JMJD1C: variants seen among roughly 807,000 people sequenced by gnomAD.
JMJD1C encodes the protein jumonji domain containing 1C, also known as jumonji domain-containing protein 1C.
A neutral mutation model predicts 245.3 loss-of-function variants in JMJD1C; 31 were observed. That is an observed-to-expected ratio of 0.13 (90% confidence interval 0.09 to 0.17). JMJD1C has a LOEUF of 0.17. JMJD1C is among the 10% of genes least tolerant of loss of function. The pLI, the probability that JMJD1C is intolerant of heterozygous loss-of-function variation, is 1.00. For missense variants in JMJD1C, 2,691 were observed against 3,000.2 expected (o/e 0.90, Z 2.41); for synonymous variants, 1,057 against 1,017.4 (o/e 1.04, Z -0.74).
chr10:63,402,006 T>C (rs746496976), intron 1 of JMJD1C, among the ~76,000 whole-genome samples: 2 of 151,818 alleles, frequency 1.3e-5, no homozygotes, highest in Non-Finnish European at 2.9e-5. Context: ...TGGTGGTGCA[T>C]GCCTGTAATG....
At chr10:63,472,282 A>G (rs982806254) in intron 1 of JMJD1C, among the ~76,000 whole-genome samples, 11 of 152,032 alleles carry the variant, frequency 7.2e-5, no homozygotes, top group Admixed American at 7.2e-4. Flanking sequence ...ATTTGCTTTT[A>G]TATCTAAATT....
intron 3 of JMJD1C, among the ~76,000 whole-genome samples, chr10:63,243,126 A>AT (rs1564669004): frequency 7.7e-4 from 33 of 43,036 alleles, no homozygotes; most frequent in African/African-American, 1.0e-3. Flanking sequence ...TATATATATA[A>AT]ATATATATAT....
At chr10:63,376,998 T>C (rs1438260721) in intron 2 of JMJD1C, among the ~76,000 whole-genome samples, 1 of 152,218 alleles carries the variant, frequency 6.6e-6, no homozygotes, top group Non-Finnish European at 1.5e-5. Context: ...TTATTCCCTA[T>C]AGCCAAAAGC....
intron 1 of JMJD1C, chr10:63,382,943 C>CA: frequency 2.2e-6 from 1 of 447,534 alleles, no homozygotes; most frequent in East Asian, 7.0e-5. Flanking sequence ...TTATAGCTTA[C>CA]ACTGTATTAG....
chr10:63,505,387 C>CATAAAAAGAAGGGAGG (rs1389150714), intron 1 of JMJD1C, among the ~76,000 whole-genome samples: 3 of 149,548 alleles, frequency 2.0e-5, no homozygotes, highest in African/African-American at 7.4e-5. Flanking sequence ...TAGAACCAGA[C>CATAAAAAGAAGGGAGG]ATAAAAAGAA....
intron 21 of JMJD1C, among the ~76,000 whole-genome samples, 189 bp from the exon 22 acceptor site, chr10:63,183,758 T>C (rs1589078757): frequency 6.6e-6 from 1 of 152,200 alleles, no homozygotes; most frequent in Non-Finnish European, 1.5e-5. Flanking sequence ...ATTACATTTC[T>C]ATAATAAAAT....
At position 63,264,770 on chromosome 10, in the gene JMJD1C, A is replaced by G; in HGVS notation, c.334-6T>C. The G allele has an allele frequency of 7.3e-7, 1 of 1,365,994 alleles. No homozygotes were observed. The highest frequency in any genetic ancestry group is 1.3e-5 in the South Asian group (1 of 79,986). 84.6% of individuals were successfully genotyped at this position (1,365,994 alleles called of 1,614,324 possible). ...TCAACCAGAGGTTTGAAAGTCTGCCAAGAAAAAAAAAATTTCTAATGATAA... is the reference window on the plus strand; with the variant it reads ...TCAACCAGAGGTTTGAAAGTCTGCCGAGAAAAAAAAAATTTCTAATGATAA... On this transcript the variant is annotated splice_region_variant and splice_polypyrimidine_tract_variant and intron_variant, in intron 2 of 25. Transcript: ENST00000399262.
At chr10:63,372,083 T>G (rs1044222711) in intron 2 of JMJD1C, among the ~76,000 whole-genome samples, 1 of 152,234 alleles carries the variant, frequency 6.6e-6, no homozygotes, top group Non-Finnish European at 1.5e-5. Flanking sequence ...ATAAAGGTAA[T>G]CTTGTCCCAA....
At position 63,317,772 on chromosome 10, in the gene JMJD1C, C is replaced by T. The variant is rs575545882; in HGVS notation, c.334-53008G>A. On this transcript the variant is annotated intron_variant, in intron 2 of 25. Transcript: ENST00000399262. The stretch of plus-strand genomic sequence containing the variant: ...TGAAATTCTATTCAGTGTGCCCCGT[C>T]GCCCCCCATCCCATCTATTCTATCT... 5.3e-5 allele frequency among the ~76,000 whole-genome samples: 8 copies of T among 152,240 alleles called. No individual in the cohort carries two copies. In the South Asian group the frequency reaches 1.7e-3, roughly 32 times the overall value.
chr10:63,492,871 C>G (rs970224370), intron 1 of JMJD1C, among the ~76,000 whole-genome samples: 3 of 152,156 alleles, frequency 2.0e-5, no homozygotes, highest in African/African-American at 4.8e-5. Flanking sequence ...AAATAACCCA[C>G]TACAGTTTTG....
rs766730852 is a variant in JMJD1C, at chr10:63,273,345, CCAT to C, written c.334-8584_334-8582del. ...CAGCTGGGACTACAAGTAAGTGCCA[CCAT>C]ATCTGGCTAATATAAATATATTAAT... On this transcript the variant is annotated intron_variant, in intron 2 of 25. Coordinates refer to ENST00000399262, the MANE Select transcript of JMJD1C (RefSeq NM_032776.3). Among the ~76,000 whole-genome samples the C allele has an allele frequency of 4.6e-5, 7 of 152,146 alleles. No homozygotes were observed. In the East Asian group the frequency reaches 1.3e-3, roughly 29 times the overall value.
At chr10:63,314,325 C>T (rs1373622977) in intron 2 of JMJD1C, among the ~76,000 whole-genome samples, 1 of 152,186 alleles carries the variant, frequency 6.6e-6, no homozygotes, top group Non-Finnish European at 1.5e-5. Flanking sequence ...TTTGGGAGGC[C>T]AAGGCATGCA....
At chr10:63,186,126 CAA>C (rs1271081380) in intron 19 of JMJD1C, 87 bp downstream of exon 19, 72 of 1,030,538 alleles carry the variant, frequency 7.0e-5, no homozygotes, top group Non-Finnish European at 1.0e-4. Context: ...ACAGATGTTT[CAA>C]AGACTAAAAA....
chr10:63,318,134 T>C (rs1940332154), intron 2 of JMJD1C, among the ~76,000 whole-genome samples: 1 of 152,158 alleles, frequency 6.6e-6, no homozygotes, highest in Non-Finnish European at 1.5e-5. Flanking sequence ...GGCTCCCAAG[T>C]AGCTGGGAAT....
At chr10:63,402,133 C>CAAA (rs35050584) in intron 1 of JMJD1C, among the ~76,000 whole-genome samples, 1,716 of 83,070 alleles carry the variant, frequency 0.021, 20 homozygotes, top group East Asian at 0.073. Context: ...AACTCCGTCT[C>CAAA]AAAAAAAAAG....
chr10:63,206,467 C>T, intron 10 of JMJD1C, 128 bp downstream of exon 10: 1 of 634,312 alleles, frequency 1.6e-6, no homozygotes. Context: ...TGAGCATATA[C>T]ATAAAGCTAA....
At chr10:63,459,713 T>C (rs1952652583) in intron 1 of JMJD1C, among the ~76,000 whole-genome samples, 1 of 152,118 alleles carries the variant, frequency 6.6e-6, no homozygotes, top group South Asian at 2.1e-4. Flanking sequence ...TTCAAGAAAA[T>C]GCTGCTTTCA....
At chr10:63,209,011 A>T in intron 9 of JMJD1C, 52 bp downstream of exon 9, 1 of 1,457,070 alleles carries the variant, frequency 6.9e-7, no homozygotes, top group Non-Finnish European at 9.4e-7. Context: ...AAGGCAAATT[A>T]AGAAAAATTA....
At chr10:63,360,932 G>A (rs892964103) in intron 2 of JMJD1C, among the ~76,000 whole-genome samples, 5 of 151,908 alleles carry the variant, frequency 3.3e-5, no homozygotes, top group Admixed American at 6.6e-5. Flanking sequence ...TTACATGCGT[G>A]AGCCACCGAG....
Sources: gnomAD v4.1 joint callset for allele counts (sites outside exome capture counted in the v4.1 genomes callset) on GRCh38, gnomAD v4.1.1 for gene constraint, MANE v1.5 for transcripts, NCBI Gene and HGNC (gene_info 2026-07-23, HGNC 2026-07-21) for gene names.